Variants in DPP10 observed in about 807,000 individuals in gnomAD.
DPP10 encodes dipeptidyl peptidase like 10.
In DPP10, 33 loss-of-function variants were observed where a neutral mutation model predicts 120.9. That is an observed-to-expected ratio of 0.27 (90% CI 0.21 to 0.37). The LOEUF (loss-of-function observed/expected upper bound fraction) is 0.37. Among genes scored for constraint, DPP10 ranks in the 10% least tolerant of loss-of-function variants. The probability of loss-of-function intolerance (pLI) is 1.00; values close to 1 mark genes in which losing one functional copy is unlikely to be tolerated. For synonymous variants in DPP10, 337 were observed against 326.1 expected, an observed-to-expected ratio of 1.03 and a Z score of -0.36; for missense variants, 816 against 942.8, an observed-to-expected ratio of 0.87 and a Z score of 1.76.
intron 17 of DPP10, among the ~76,000 whole-genome samples, chr2:115,785,816 C>G (rs1683273387): frequency 6.8e-6 from 1 of 146,132 alleles, no homozygotes; most frequent in Non-Finnish European, 1.5e-5. Flanking sequence ...GTATTCATTT[C>G]ATTCAGTTCA....
intron 1 of DPP10, among the ~76,000 whole-genome samples, chr2:114,830,655 A>AT (rs954993652): frequency 1.3e-5 from 2 of 152,014 alleles, no homozygotes; most frequent in Non-Finnish European, 1.5e-5. Context: ...ACAACCTCTT[A>AT]TTTTTTTTAA....
chr2:115,707,848 A>G (rs1302529077), intron 7 of DPP10, among the ~76,000 whole-genome samples: 1 of 151,884 alleles, frequency 6.6e-6, no homozygotes, highest in Non-Finnish European at 1.5e-5. Context: ...CAAAACAAAA[A>G]TATCTATATA....
At chr2:114,729,276 T>G (rs1259626253) in intron 1 of DPP10, among the ~76,000 whole-genome samples, 1 of 152,240 alleles carries the variant, frequency 6.6e-6, no homozygotes, top group Admixed American at 6.5e-5. Flanking sequence ...CTGAATAGTT[T>G]CAGATGAAGC....
Position 114,923,567 on chromosome 2 carries a change from C to T in DPP10, c.61-385672C>T, listed in dbSNP as rs1328990745. 2.0e-5 allele frequency among the ~76,000 whole-genome samples: 3 copies of T among 149,052 alleles called. No individual in the cohort carries two copies. In the East Asian group the frequency reaches 6.0e-4, roughly 30 times the overall value. ...GATCTCAGCTCAATGCAAGCTCTGC[C>T]ACCTGGGTTCACGCCATTCTCCTGC... On this transcript the variant is annotated intron_variant, in intron 1 of 25. Coordinates refer to ENST00000410059, the MANE Select transcript of DPP10 (RefSeq NM_020868.6).
At chr2:114,745,316 TG>T (rs1374819300) in intron 1 of DPP10, among the ~76,000 whole-genome samples, 1 of 152,202 alleles carries the variant, frequency 6.6e-6, no homozygotes, top group Non-Finnish European at 1.5e-5. Context: ...ACTACTTTAT[TG>T]ACAAAAGGTC....
intron 1 of DPP10, among the ~76,000 whole-genome samples, chr2:114,964,862 T>G (rs948215060): frequency 6.6e-6 from 1 of 152,176 alleles, no homozygotes; most frequent in African/African-American, 2.4e-5. Context: ...GGGCTCCTGT[T>G]AAGAAATATA....
intron 22 of DPP10, 93 bp from the exon 23 acceptor site, chr2:115,836,414 A>G: frequency 1.3e-6 from 2 of 1,503,814 alleles, no homozygotes; most frequent in Non-Finnish European, 9.1e-7. Context: ...TTACTAAAGC[A>G]TGACAATTAA....
chr2:115,223,369 G>A (rs1281575516), intron 1 of DPP10, among the ~76,000 whole-genome samples: 2 of 152,046 alleles, frequency 1.3e-5, no homozygotes, highest in East Asian at 3.8e-4. Context: ...TTTAATTATG[G>A]CTGTGTCAGT....
intron 1 of DPP10, among the ~76,000 whole-genome samples, chr2:114,646,577 T>A (rs1438977506): frequency 6.6e-6 from 1 of 152,098 alleles, no homozygotes; most frequent in Non-Finnish European, 1.5e-5. Context: ...GATGACAGTA[T>A]CTCCATATTA....
At chr2:115,098,666 G>C (rs1189548508) in intron 1 of DPP10, among the ~76,000 whole-genome samples, 1 of 152,104 alleles carries the variant, frequency 6.6e-6, no homozygotes, top group Admixed American at 6.6e-5. Context: ...TCATTATGCG[G>C]TGCATGAGTG....
At chr2:114,444,698 C>G (rs1435125894) in intron 1 of DPP10, among the ~76,000 whole-genome samples, 1 of 152,138 alleles carries the variant, frequency 6.6e-6, no homozygotes, top group Non-Finnish European at 1.5e-5. Context: ...AATTGGACAA[C>G]CCACCACTTA....
chr2:115,562,377 C>T (rs2080744222), intron 5 of DPP10, among the ~76,000 whole-genome samples: 1 of 152,174 alleles, frequency 6.6e-6, no homozygotes, highest in Non-Finnish European at 1.5e-5. Flanking sequence ...TATTTTCCTT[C>T]ACCCTAACTC....
At chr2:115,232,180 T>C (rs1410582963) in intron 1 of DPP10, among the ~76,000 whole-genome samples, 1 of 152,110 alleles carries the variant, frequency 6.6e-6, no homozygotes, top group Non-Finnish European at 1.5e-5. Flanking sequence ...CCCTGTAACA[T>C]TCTAGCCTGG....
intron 2 of DPP10, chr2:115,342,189 A>G (rs557847564): frequency 3.1e-5 from 14 of 450,958 alleles, no homozygotes; most frequent in African/African-American, 1.2e-4. Flanking sequence ...TTATGTATGT[A>G]TGTGTGTGTG....
At chr2:115,440,145 A>ATG (rs1434606489) in intron 3 of DPP10, among the ~76,000 whole-genome samples, 1 of 151,870 alleles carries the variant, frequency 6.6e-6, no homozygotes, top group Non-Finnish European at 1.5e-5. Context: ...GAAAGATAAT[A>ATG]TGTGTGTGTG....
chr2:114,497,247 A>ACG (rs1366372005), intron 1 of DPP10, among the ~76,000 whole-genome samples: 5 of 125,130 alleles, frequency 4.0e-5, no homozygotes, highest in African/African-American at 1.5e-4. Flanking sequence ...ATACATGTGT[A>ACG]TGCATGTACG....
intron 1 of DPP10, among the ~76,000 whole-genome samples, chr2:115,258,491 A>T (rs1223993968): frequency 6.6e-6 from 1 of 152,114 alleles, no homozygotes; most frequent in Non-Finnish European, 1.5e-5. Context: ...AAAAAAAAAA[A>T]AAATCTTTAA....
intron 3 of DPP10, among the ~76,000 whole-genome samples, chr2:115,456,065 C>G (rs185938345): frequency 8.4e-4 from 128 of 152,074 alleles, no homozygotes; most frequent in African/African-American, 2.9e-3. Flanking sequence ...TGCAATCTAT[C>G]CATCTGACAA....
intron 1 of DPP10, among the ~76,000 whole-genome samples, chr2:114,711,134 C>A (rs1701000813): frequency 6.6e-6 from 1 of 152,170 alleles, no homozygotes; most frequent in African/African-American, 2.4e-5. Context: ...ATCATCAATT[C>A]ATTTACCCAT....
Sources: gnomAD v4.1 joint callset for allele counts (sites outside exome capture counted in the v4.1 genomes callset) on GRCh38, gnomAD v4.1.1 for gene constraint, MANE v1.5 for transcripts, NCBI Gene and HGNC (gene_info 2026-07-23, HGNC 2026-07-21) for gene names.